SLC24A2: variants seen among roughly 807,000 people sequenced by gnomAD.
The protein encoded by SLC24A2 is sodium/potassium/calcium exchanger 2.
Under a neutral mutation model 62.0 loss-of-function variants are expected in SLC24A2, and 36 were observed. The ratio of observed to expected loss-of-function variants is 0.58; its 90% CI spans 0.44 to 0.77. The LOEUF is 0.77. Ranked by LOEUF, SLC24A2 falls within the 30% of genes least tolerant of loss-of-function variation. The probability of loss-of-function intolerance (pLI) is 0.00; values close to 1 mark genes in which losing one functional copy is unlikely to be tolerated. For missense variants in SLC24A2, 846 were observed against 817.9 expected, an observed-to-expected ratio of 1.03 and a Z score of -0.42; for synonymous variants, 358 against 294.0, an observed-to-expected ratio of 1.22 and a Z score of -2.23.
intron 2 of SLC24A2, among the ~76,000 whole-genome samples, chr9:19,694,384 A>AT (rs148915054): frequency 0.38 from 57,330 of 151,946 alleles, 12,682 homozygotes; most frequent in African/African-American, 0.62. Flanking sequence ...CCTCTCTAAT[A>AT]TTTTTTCTAA....
chr9:19,727,507 A>G (rs1821205737), intron 2 of SLC24A2, among the ~76,000 whole-genome samples: 2 of 152,114 alleles, frequency 1.3e-5, no homozygotes, highest in South Asian at 2.1e-4. Flanking sequence ...CAAGAAGGGA[A>G]GCTCCAAGCA....
At chr9:19,576,392 G>A (rs1220014528) in intron 6 of SLC24A2, among the ~76,000 whole-genome samples, 1 of 152,144 alleles carries the variant, frequency 6.6e-6, no homozygotes, top group Non-Finnish European at 1.5e-5. Context: ...AGACCTGGGG[G>A]CTGTTACTGC....
the SLC24A2 span, among the ~76,000 whole-genome samples, chr9:19,851,001 ACACATACATATATATATATATACATATTT>A: frequency 7.9e-4 from 30 of 37,910 alleles, 1 homozygote; most frequent in African/African-American, 2.3e-3. Flanking sequence ...ATATATATAT[ACACATACATATATATATATATACATATTT>A]TTTTTTTTTT....
At chr9:19,984,885 C>T in the SLC24A2 span, among the ~76,000 whole-genome samples, 3 of 151,940 alleles carry the variant, frequency 2.0e-5, no homozygotes, top group Non-Finnish European at 4.4e-5. Flanking sequence ...ATTTAAGGGG[C>T]AAGGCAAGAG....
At chr9:19,605,995 G>A (rs914589855) in intron 4 of SLC24A2, among the ~76,000 whole-genome samples, 1 of 152,186 alleles carries the variant, frequency 6.6e-6, no homozygotes, top group Admixed American at 6.5e-5. Flanking sequence ...AGGTCACCAT[G>A]CACACCCCAA....
At chr9:19,637,661 C>T (rs573126014) in intron 2 of SLC24A2, among the ~76,000 whole-genome samples, 17 of 152,160 alleles carry the variant, frequency 1.1e-4, no homozygotes, top group Non-Finnish European at 2.5e-4. Flanking sequence ...TAGTTGTTCC[C>T]TAGTTTTAGA....
chr9:20,043,236 C>A, the SLC24A2 span, among the ~76,000 whole-genome samples: 1 of 152,072 alleles, frequency 6.6e-6, no homozygotes, highest in South Asian at 2.1e-4. Context: ...AAGTGCTACT[C>A]CAGTGAGCAA....
At chr9:19,836,429 A>G in the SLC24A2 span, among the ~76,000 whole-genome samples, 5 of 152,352 alleles carry the variant, frequency 3.3e-5, no homozygotes, top group East Asian at 1.9e-4. Flanking sequence ...ACAAAAGACC[A>G]TCAGAGAATA....
intron 7 of SLC24A2, among the ~76,000 whole-genome samples, chr9:19,561,219 C>G (rs888858753): frequency 3.3e-5 from 5 of 150,778 alleles, no homozygotes; most frequent in African/African-American, 1.2e-4. Flanking sequence ...CGTGAGCCAC[C>G]ACACCTGGCC....
At chr9:19,740,847 G>A (rs1821652994) in intron 2 of SLC24A2, among the ~76,000 whole-genome samples, 1 of 143,384 alleles carries the variant, frequency 7.0e-6, no homozygotes. Context: ...GTGTATATTT[G>A]AAATTTTCCA....
chr9:19,880,624 A>G, the SLC24A2 span, among the ~76,000 whole-genome samples: 3 of 152,336 alleles, frequency 2.0e-5, no homozygotes, highest in East Asian at 5.8e-4. Flanking sequence ...GATTCTTGGT[A>G]TACTTAGAAG....
At chr9:20,211,587 C>T in the SLC24A2 span, among the ~76,000 whole-genome samples, 2 of 152,114 alleles carry the variant, frequency 1.3e-5, no homozygotes, top group Non-Finnish European at 2.9e-5. Flanking sequence ...ATCAGCTAGA[C>T]ATGTATGTAA....
chr9:20,089,087 G>A, the SLC24A2 span, among the ~76,000 whole-genome samples: 1 of 152,142 alleles, frequency 6.6e-6, no homozygotes, highest in Non-Finnish European at 1.5e-5. Context: ...TAGCAGCTCT[G>A]CAACTCCCTG....
At chr9:20,277,550 C>G in the SLC24A2 span, among the ~76,000 whole-genome samples, 2 of 151,992 alleles carry the variant, frequency 1.3e-5, no homozygotes, top group Non-Finnish European at 2.9e-5. Flanking sequence ...CCATCTCACA[C>G]CAGTTAGAAT....
the SLC24A2 span, among the ~76,000 whole-genome samples, chr9:20,218,543 G>A: frequency 2.0e-5 from 3 of 151,994 alleles, no homozygotes; most frequent in African/African-American, 7.2e-5. Context: ...CTTAAGTGAG[G>A]GGTTTCTAAA....
chr9:20,142,481 C>T, the SLC24A2 span, among the ~76,000 whole-genome samples: 46 of 145,826 alleles, frequency 3.2e-4, no homozygotes, highest in South Asian at 6.5e-4. Flanking sequence ...ATTTACACTA[C>T]GTTTGTCTGA....
chr9:20,083,511 CAAT>C, the SLC24A2 span, among the ~76,000 whole-genome samples: 1 of 152,214 alleles, frequency 6.6e-6, no homozygotes, highest in African/African-American at 2.4e-5. Context: ...TCGATCCCAA[CAAT>C]GTGGCCTCAT....
rs146939730 is a variant in SLC24A2, at chr9:19,726,817, T to G, written c.930+59120A>C. On this transcript the variant is annotated intron_variant, in intron 2 of 10. Coordinates refer to ENST00000341998, the MANE Select transcript of SLC24A2 (RefSeq NM_020344.4). ...GATCTATCCCAAGGCATATTCAACG[T>G]GATATACACAGCCTTTCTTTTCTTT... is the stretch of plus-strand genomic sequence containing the variant. 5.3e-5 allele frequency among the ~76,000 whole-genome samples: 8 copies of G among 152,346 alleles called. No individual in the cohort carries two copies. The East Asian group carries it at 1.3e-3, about 26-fold the overall frequency.
intron 4 of SLC24A2, among the ~76,000 whole-genome samples, chr9:19,611,468 A>G (rs891412110): frequency 1.3e-5 from 2 of 149,532 alleles, no homozygotes; most frequent in Non-Finnish European, 3.0e-5. Context: ...TAGGAGGAAG[A>G]GAGGAGGCGG....
Sources: gnomAD v4.1 joint callset for allele counts (sites outside exome capture counted in the v4.1 genomes callset) on GRCh38, gnomAD v4.1.1 for gene constraint, MANE v1.5 for transcripts, NCBI Gene and HGNC (gene_info 2026-07-23, HGNC 2026-07-21) for gene names.